TRIM37: variants seen among roughly 807,000 people sequenced by gnomAD.
TRIM37 encodes the protein E3 ubiquitin-protein ligase TRIM37.
TRIM37 carries 80 observed loss-of-function variants against 129.8 expected under a neutral mutation model. The observed-to-expected ratio is 0.62, with a 90% CI of 0.51 to 0.74. The LOEUF (loss-of-function observed/expected upper bound fraction) is 0.74. Ranked by LOEUF, TRIM37 falls within the 30% of genes least tolerant of loss-of-function variation. The pLI is 0.00. For missense variants in TRIM37, 1,054 were observed against 1,176.5 expected, an observed-to-expected ratio of 0.90 and a Z score of 1.52; for synonymous variants, 389 against 387.1, an observed-to-expected ratio of 1.00 and a Z score of -0.06.
chr17:59,035,142 T>C (rs1249351131), intron 17 of TRIM37, among the ~76,000 whole-genome samples: 2 of 152,010 alleles, frequency 1.3e-5, no homozygotes, highest in African/African-American at 4.8e-5. Flanking sequence ...TCACCGCAAC[T>C]TCCACCTCCC....
rs540615434 is a variant in TRIM37, at chr17:59,037,216, C to G, written c.1753+4597G>C. Among the ~76,000 whole-genome samples, 9 of 152,188 alleles carry G rather than the reference C, an allele frequency of 5.9e-5. No homozygotes were observed. In the East Asian group the frequency reaches 1.8e-3, roughly 30 times the overall value. The stretch of plus-strand genomic sequence containing the variant: ...CATATTAAAAAAAAGCATTTCCACA[C>G]TCTGCCCAGTGTCACCCCGATCTAG... On this transcript the variant is annotated intron_variant, in intron 17 of 23. Transcript: ENST00000262294.
chr17:59,014,069 A>C (rs1451988488), intron 21 of TRIM37, among the ~76,000 whole-genome samples: 1 of 152,238 alleles, frequency 6.6e-6, no homozygotes, highest in African/African-American at 2.4e-5. Context: ...ATAAAATATA[A>C]GAGCTAGTTG....
At chr17:58,973,979 A>T in the TRIM37 span, among the ~76,000 whole-genome samples, 2 of 125,050 alleles carry the variant, frequency 1.6e-5, no homozygotes, top group Non-Finnish European at 3.4e-5. Flanking sequence ...AAAAAAAAAA[A>T]ATTGCTGGGC....
intron 4 of TRIM37, chr17:59,088,028 T>C: frequency 1.7e-6 from 1 of 590,128 alleles, no homozygotes; most frequent in Non-Finnish European, 3.0e-6. Context: ...TTTGTATGCC[T>C]ATCATCTAGC....
At chr17:59,087,013 T>C (rs2043811361) in intron 4 of TRIM37, among the ~76,000 whole-genome samples, 1 of 152,190 alleles carries the variant, frequency 6.6e-6, no homozygotes. Flanking sequence ...AATTAAATAA[T>C]TATTTTTGGT....
downstream of TRIM37, among the ~76,000 whole-genome samples, chr17:58,995,985 A>T (rs2032947512): frequency 6.6e-6 from 1 of 152,084 alleles, no homozygotes; most frequent in Non-Finnish European, 1.5e-5. Context: ...TGGGTAACAA[A>T]GCCAGACCCT....
intron 16 of TRIM37, among the ~76,000 whole-genome samples, chr17:59,045,971 G>GT (rs1238260432): frequency 6.6e-6 from 1 of 151,892 alleles, no homozygotes; most frequent in Non-Finnish European, 1.5e-5. Context: ...AGCCAAGATC[G>GT]TGACACTGCA....
At chr17:59,022,267 G>A (rs1303223111) in intron 19 of TRIM37, among the ~76,000 whole-genome samples, 2 of 151,912 alleles carry the variant, frequency 1.3e-5, no homozygotes, top group Middle Eastern at 3.2e-3. Flanking sequence ...AAAAGTATAG[G>A]CCCAAACTAA....
At chr17:59,036,254 G>T (rs2038463999) in intron 17 of TRIM37, among the ~76,000 whole-genome samples, 1 of 152,076 alleles carries the variant, frequency 6.6e-6, no homozygotes, top group South Asian at 2.1e-4. Flanking sequence ...TAAAAAATTA[G>T]TTGGGCGTGG....
chr17:59,045,211 C>A (rs2039650313), intron 16 of TRIM37, among the ~76,000 whole-genome samples: 1 of 152,064 alleles, frequency 6.6e-6, no homozygotes, highest in South Asian at 2.1e-4. Flanking sequence ...CACCTGTAGT[C>A]CCAGCTACTT....
chr17:58,990,432 A>T (rs2032262649), intron 24 of TRIM37, among the ~76,000 whole-genome samples: 1 of 151,714 alleles, frequency 6.6e-6, no homozygotes, highest in African/African-American at 2.4e-5. Context: ...TGGAGGTTGT[A>T]GTGAGCTGAG....
intron 23 of TRIM37, among the ~76,000 whole-genome samples, chr17:59,001,360 T>C (rs2033727415): frequency 6.6e-6 from 1 of 151,528 alleles, no homozygotes; most frequent in African/African-American, 2.4e-5. Context: ...GTAGCACTCA[T>C]TAGGTGCAAC....
intron 2 of TRIM37, among the ~76,000 whole-genome samples, chr17:59,101,677 A>ATATATAT (rs1219166086): frequency 3.0e-5 from 3 of 101,554 alleles, no homozygotes; most frequent in African/African-American, 8.2e-5. Context: ...AAAAAAAAAA[A>ATATATAT]ATATATATAT....
chr17:58,979,858 C>A, downstream of TRIM37: 2 of 783,644 alleles, frequency 2.6e-6, no homozygotes, highest in Non-Finnish European at 4.0e-6. Context: ...TCTTTCCAGT[C>A]AAGTCAGTTC....
At chr17:59,016,358 C>T (rs2035936460) in intron 20 of TRIM37, among the ~76,000 whole-genome samples, 1 of 145,106 alleles carries the variant, frequency 6.9e-6, no homozygotes, top group Non-Finnish European at 1.5e-5. Flanking sequence ...CGCACCATTG[C>T]ACTCCAGCCT....
rs1568132856 is a variant in TRIM37 at position 59,061,025 on chromosome 17, T to G, written c.1019+7A>C. 1 of 1,610,924 alleles carries G rather than the reference T, an allele frequency of 6.2e-7. No individual in the cohort carries two copies. Among genetic ancestry groups the G allele is most frequent in the Non-Finnish European group, 8.5e-7 (1 of 1,177,432 alleles). ...CATTAAGGTTGTTATTTAATTACACTTCTTACTTAGAAGTTTCAGGCAAGC... is the reference window on the plus strand; with the variant it reads ...CATTAAGGTTGTTATTTAATTACACGTCTTACTTAGAAGTTTCAGGCAAGC... On this transcript the variant is annotated splice_region_variant and intron_variant, in intron 12 of 23. Coordinates refer to ENST00000262294, the MANE Select transcript of TRIM37 (RefSeq NM_015294.6).
intron 24 of TRIM37, chr17:58,984,031 GC>G: frequency 6.6e-6 from 1 of 152,554 alleles, no homozygotes; most frequent in Non-Finnish European, 1.5e-5. Flanking sequence ...ACACACTGGG[GC>G]TATTAATCCC....
At chr17:59,103,898 G>A (rs984163897) in intron 2 of TRIM37, among the ~76,000 whole-genome samples, 5 of 151,910 alleles carry the variant, frequency 3.3e-5, no homozygotes, top group African/African-American at 1.2e-4. Flanking sequence ...CACCTACCTC[G>A]GCCTCCCAAA....
the TRIM37 span, chr17:58,969,491 A>G: frequency 6.3e-7 from 1 of 1,578,466 alleles, no homozygotes; most frequent in Non-Finnish European, 8.7e-7. Context: ...GTTCATTTGA[A>G]TCATGCTATA....
Sources: allele counts gnomAD v4.1 joint callset (sites outside exome capture counted in the v4.1 genomes callset), GRCh38; gene constraint gnomAD v4.1.1; transcripts MANE v1.5; gene names NCBI Gene and HGNC (gene_info 2026-07-23, HGNC 2026-07-21).